APC: variants seen among roughly 807,000 people sequenced by gnomAD.
APC encodes adenomatous polyposis coli protein.
A neutral mutation model predicts 247.0 loss-of-function variants in APC; 72 were observed. The observed-to-expected ratio is 0.29, with a 90% CI of 0.24 to 0.35. APC has a LOEUF of 0.35. APC is among the 10% of genes least tolerant of loss of function. APC has a pLI of 1.00. For missense variants in APC, 3,400 were observed against 3,360.7 expected, an observed-to-expected ratio of 1.01 and a Z score of -0.29; for synonymous variants, 1,254 against 1,162.5, an observed-to-expected ratio of 1.08 and a Z score of -1.60.
intron 1 of APC, among the ~76,000 whole-genome samples, chr5:112,739,814 C>A (rs1208014818): frequency 1.3e-5 from 2 of 152,192 alleles, no homozygotes; most frequent in African/African-American, 4.8e-5. Flanking sequence ...TTACTCAGTT[C>A]TTTGAATTCC....
intron 1 of APC, among the ~76,000 whole-genome samples, chr5:112,714,126 A>G (rs1171466214): frequency 6.6e-6 from 1 of 152,240 alleles, no homozygotes; most frequent in Non-Finnish European, 1.5e-5. Flanking sequence ...GGTATGTTAT[A>G]TGTAACAACT....
intron 2 of APC, among the ~76,000 whole-genome samples, chr5:112,762,697 G>A (rs1755805434): frequency 6.6e-6 from 1 of 152,170 alleles, no homozygotes; most frequent in Non-Finnish European, 1.5e-5. Context: ...ATGAAGATTG[G>A]TAAAAGGAGC....
chr5:112,746,647 A>C (rs1328365084), intron 1 of APC, among the ~76,000 whole-genome samples: 2 of 152,224 alleles, frequency 1.3e-5, no homozygotes, highest in Non-Finnish European at 2.9e-5. Flanking sequence ...AACCACTACT[A>C]ACAAAAACTT....
chr5:112,785,336 C>G (rs1758817817), intron 6 of APC, among the ~76,000 whole-genome samples: 1 of 152,016 alleles, frequency 6.6e-6, no homozygotes, highest in Non-Finnish European at 1.5e-5. Flanking sequence ...AGTAAGGTAA[C>G]TCAAGTTAAG....
At chr5:112,747,661 A>G (rs958800493) in intron 1 of APC, among the ~76,000 whole-genome samples, 1 of 152,204 alleles carries the variant, frequency 6.6e-6, no homozygotes, top group Admixed American at 6.5e-5. Flanking sequence ...GGGAGCTTAC[A>G]ATGCCATAAA....
intron 1 of APC, among the ~76,000 whole-genome samples, chr5:112,742,647 A>T (rs1294285107): frequency 6.6e-6 from 1 of 152,166 alleles, no homozygotes; most frequent in Non-Finnish European, 1.5e-5. Flanking sequence ...GGCTGCTTGA[A>T]TGTCTTCATG....
intron 13 of APC, 86 bp downstream of exon 13, chr5:112,828,092 G>C (rs1763903965): frequency 1.8e-6 from 2 of 1,114,476 alleles, no homozygotes. Context: ...TTAGAGGGCA[G>C]TTGTGCAATC....
At chr5:112,768,513 CTT>C (rs76547596) in intron 4 of APC, among the ~76,000 whole-genome samples, 53 of 129,832 alleles carry the variant, frequency 4.1e-4, no homozygotes, top group Admixed American at 6.2e-4. Flanking sequence ...TGAAATACTT[CTT>C]TTTTTTTTTT....
intron 14 of APC, among the ~76,000 whole-genome samples, chr5:112,832,765 A>G (rs1764429805): frequency 6.6e-6 from 1 of 152,196 alleles, no homozygotes; most frequent in Non-Finnish European, 1.5e-5. Context: ...TCCATGAAAT[A>G]TTTGATTGAT....
intron 1 of APC, among the ~76,000 whole-genome samples, chr5:112,741,662 AG>A (rs1352749547): frequency 6.6e-6 from 1 of 152,206 alleles, no homozygotes; most frequent in Non-Finnish European, 1.5e-5. Flanking sequence ...TTAATTGTAC[AG>A]TTCTGTGGCA....
Position 112,775,665 on chromosome 5 carries a change from G to A in APC, c.459G>A (p.Lys153=), listed in dbSNP as rs864622482. 2.5e-6 allele frequency: 4 copies of A among 1,606,426 alleles called. No homozygotes were observed. The highest frequency in any genetic ancestry group is 1.7e-5 in the Admixed American group (1 of 59,322). Reference sequence around the variant, plus strand: ...TTGCTGATCTTGACAAAGAAGAAAAGGAAAAAGACTGGTATTACGCTCAAC... The same window carrying A: ...TTGCTGATCTTGACAAAGAAGAAAAAGAAAAAGACTGGTATTACGCTCAAC... ...LLLADLDKEE[K]EKDWYYAQLQ... The change falls in exon 5 of 16, where the codon AAG becomes AAA. Residue 153 remains lysine, a synonymous_variant. Transcript: ENST00000257430.
rs1469764425 is a variant in APC at position 112,778,142 on chromosome 5, A to G, written c.531+2405A>G. On this transcript the variant is annotated intron_variant, in intron 5 of 15. Transcript: ENST00000257430. Reference sequence around the variant, plus strand: ...CCTCTTCATCTTTTTTACTCTTTCCATTCTGTTTGTTTCCTATTTTTTGCA... The same window carrying G: ...CCTCTTCATCTTTTTTACTCTTTCCGTTCTGTTTGTTTCCTATTTTTTGCA... 3 of 211,112 alleles carry G rather than the reference A, an allele frequency of 1.4e-5. No homozygotes were observed. The East Asian group carries it at 3.5e-4, about 25-fold the overall frequency. The allele number at this position is 211,112 out of a possible 1,614,324, so 13.1% of individuals were successfully genotyped here.
Position 112,843,465 on chromosome 5 carries a change from A to G in APC, c.7871A>G (p.Asn2624Ser), listed in dbSNP as rs762386015. 1.2e-6 allele frequency: 2 copies of G among 1,613,976 alleles called. No homozygotes were observed. Among genetic ancestry groups the G allele is most frequent in the South Asian group, 2.2e-5 (2 of 91,068 alleles). ...KIKENEFSPT[N>S]STSQTVSSGA... ...AAAGAAAATGAATTTTCTCCCACAA[A>G]TAGTACTTCTCAGACCGTTTCCTCA... Residue 2624 changes from asparagine to serine, a missense_variant, in exon 16 of 16, where the codon AAT becomes AGT. Asn to Ser is a conservative substitution (Grantham distance 46). Coordinates refer to ENST00000257430, the MANE Select transcript of APC (RefSeq NM_000038.6). This position sits in a 1 kb window ranked among gnomAD's most constrained non-coding sequence, Gnocchi z 4.8.
At chr5:112,722,293 A>G (rs777688966) in intron 1 of APC, among the ~76,000 whole-genome samples, 2 of 152,232 alleles carry the variant, frequency 1.3e-5, no homozygotes, top group Admixed American at 6.5e-5. Context: ...TGTGTTTCAG[A>G]AAAACTCTAA....
rs188118151 is a variant in APC at position 112,765,274 on chromosome 5, T to C, written c.136-1052T>C. On this transcript the variant is annotated intron_variant, in intron 2 of 15. Coordinates refer to ENST00000257430, the MANE Select transcript of APC (RefSeq NM_000038.6). Reference sequence around the variant, plus strand: ...CACATGCCACCACTCATGGTTTTTGTTTGTTTGTTTTTTTAATTTTGTAGG... The same window carrying C: ...CACATGCCACCACTCATGGTTTTTGCTTGTTTGTTTTTTTAATTTTGTAGG... 1.6e-3 allele frequency among the ~76,000 whole-genome samples: 248 copies of C among 152,098 alleles called. 4 individuals carry two copies. Among genetic ancestry groups the C allele is most frequent in the African/African-American group, 5.9e-3 (243 of 41,486 alleles).
intron 9 of APC, among the ~76,000 whole-genome samples, chr5:112,818,566 T>C (rs1762748600): frequency 6.6e-6 from 1 of 152,154 alleles, no homozygotes; most frequent in Admixed American, 6.5e-5. Flanking sequence ...TAAGATAAAG[T>C]TTTAAATTAT....
chr5:112,744,717 T>C (rs1156584421), intron 1 of APC, among the ~76,000 whole-genome samples: 4 of 152,134 alleles, frequency 2.6e-5, no homozygotes, highest in Non-Finnish European at 4.4e-5. Context: ...AGAAATAGTT[T>C]GTAGAGGAAA....
chr5:112,813,416 A>G (rs1762175133), intron 8 of APC, among the ~76,000 whole-genome samples: 1 of 152,176 alleles, frequency 6.6e-6, no homozygotes, highest in Non-Finnish European at 1.5e-5. Flanking sequence ...CTATTTAAGG[A>G]CTTTATGAAA....
rs910502374 is a variant in APC, at chr5:112,837,486, C to G, written c.1959-67C>G. On this transcript the variant is annotated intron_variant, in intron 15 of 15. Coordinates refer to ENST00000257430, the MANE Select transcript of APC (RefSeq NM_000038.6). ...TCATATTATGCCTTTTGTCTTCTAT[C>G]CTTTTATTTGTTGTTACTGCATACA... is the stretch of plus-strand genomic sequence containing the variant. The G allele has an allele frequency of 4.2e-6, 5 of 1,186,742 alleles. No homozygotes were observed. The African/African-American group carries it at 7.5e-5, about 18-fold the overall frequency. The allele number at this position is 1,186,742 out of a possible 1,614,324, so 73.5% of individuals were successfully genotyped here. A position where few individuals can be genotyped will look rare whatever the true frequency, so the allele number is the denominator to read the frequency against.
Sources: gnomAD v4.1 joint callset for allele counts (sites outside exome capture counted in the v4.1 genomes callset) on GRCh38, gnomAD v4.1.1 for gene constraint, Gnocchi (gnomAD v3.1) non-coding constraint, MANE v1.5 for transcripts, NCBI Gene and HGNC (gene_info 2026-07-23, HGNC 2026-07-21) for gene names.